Variants in KLRF1 observed in about 807,000 individuals in gnomAD.
KLRF1 encodes killer cell lectin like receptor F1.
In KLRF1, 27 loss-of-function variants were observed where a neutral mutation model predicts 30.7. The ratio of observed to expected loss-of-function variants is 0.88; its 90% CI spans 0.65 to 1.21. KLRF1 has a LOEUF of 1.21. Ranked by LOEUF, KLRF1 falls within the 50% of genes most tolerant of loss-of-function variation. The pLI, the probability that KLRF1 is intolerant of heterozygous loss-of-function variation, is 0.00. For missense variants in KLRF1, 246 were observed against 259.3 expected, an observed-to-expected ratio of 0.95 and a Z score of 0.35; for synonymous variants, 92 against 89.3, an observed-to-expected ratio of 1.03 and a Z score of -0.17.
the KLRF1 span, among the ~76,000 whole-genome samples, chr12:9,801,533 C>T: frequency 3.2e-4 from 49 of 151,940 alleles, no homozygotes; most frequent in East Asian, 3.9e-3. Flanking sequence ...TTTTAATAAT[C>T]GCCATTCTGA....
rs748787573 is a variant in KLRF1, at chr12:9,841,911, G to GA, written c.438dup (p.Ser147IlefsTer8). The GA allele has an allele frequency of 1.2e-6, 2 of 1,612,346 alleles. No individual in the cohort carries two copies. The highest frequency in any genetic ancestry group is 1.7e-6 in the Non-Finnish European group (2 of 1,178,892). The stretch of plus-strand genomic sequence containing the variant: ...GACAGTTATGTGTATTGTTTGGAAA[G>GA]AAAATCTCATCTACTAATCATACAT... On this transcript the variant is annotated frameshift_variant, in exon 4 of 6. Coordinates refer to ENST00000617889, the MANE Select transcript of KLRF1 (RefSeq NM_016523.3). LOFTEE classifies it high-confidence loss of function.
chr12:9,828,354 T>C (rs951071244), intron 1 of KLRF1, among the ~76,000 whole-genome samples: 2 of 152,170 alleles, frequency 1.3e-5, no homozygotes, highest in Non-Finnish European at 2.9e-5. Flanking sequence ...GTGTTGGGAT[T>C]ATAGGCATGA....
chr12:9,827,478 C>T, upstream of KLRF1: 1 of 816,054 alleles, frequency 1.2e-6, no homozygotes, highest in Non-Finnish European at 1.9e-6. Context: ...TTATTCTTTC[C>T]TCATTTCATG....
chr12:9,823,117 C>G (rs1249718514), upstream of KLRF1, among the ~76,000 whole-genome samples: 1 of 151,772 alleles, frequency 6.6e-6, no homozygotes, highest in African/African-American at 2.4e-5. Flanking sequence ...TAGACCTTTA[C>G]AGTACTCCGA....
At chr12:9,834,849 T>C (rs2539937) in intron 3 of KLRF1, among the ~76,000 whole-genome samples, 2,158 of 152,162 alleles carry the variant, frequency 0.014, 44 homozygotes, top group African/African-American at 0.049. Context: ...CATTTAAGAA[T>C]ATACAGAGTC....
intron 1 of KLRF1, among the ~76,000 whole-genome samples, chr12:9,831,398 A>G (rs781613220): frequency 6.6e-6 from 1 of 152,248 alleles, no homozygotes; most frequent in Non-Finnish European, 1.5e-5. Flanking sequence ...GACAGCGTCA[A>G]ATGTAGTTTC....
At chr12:9,832,037 T>A (rs908466229) in intron 1 of KLRF1, among the ~76,000 whole-genome samples, 4 of 152,202 alleles carry the variant, frequency 2.6e-5, no homozygotes, top group African/African-American at 9.6e-5. Flanking sequence ...AATTATTCAG[T>A]GCATAGAGTA....
chr12:9,842,359 A>G lies in KLRF1; in HGVS notation c.513A>G (p.Val171=), dbSNP rs774462413. The change falls in exon 5 of 6, where the codon GTA becomes GTG. Residue 171 remains valine, a synonymous_variant. Transcript: ENST00000617889. ...IQKNLRQLNY[V]WIGLNFTSLK... is the part of the protein sequence containing the mutation. ...AAAACCTAAGACAATTAAACTACGT[A>G]TGGATTGGGCTTAACTTTACCTCCT... 3.1e-6 allele frequency: 5 copies of G among 1,611,962 alleles called. No homozygotes were observed. Among genetic ancestry groups the G allele is most frequent in the Non-Finnish European group, 4.2e-6 (5 of 1,178,564 alleles).
At chr12:9,831,781 G>A (rs1482723711) in intron 1 of KLRF1, among the ~76,000 whole-genome samples, 2 of 152,058 alleles carry the variant, frequency 1.3e-5, no homozygotes, top group African/African-American at 4.8e-5. Context: ...TAAAAGTTTA[G>A]CATTTAATAA....
Position 9,833,445 on chromosome 12 carries a change from C to A in KLRF1, c.327C>A (p.Asp109Glu), listed in dbSNP as rs1299485685. The A allele has an allele frequency of 6.2e-7, 1 of 1,604,384 alleles. No homozygotes were observed. The highest frequency in any genetic ancestry group is 1.1e-5 in the South Asian group (1 of 89,316). The change falls in exon 3 of 6, where the codon GAC becomes GAA. Residue 109 changes from aspartate to glutamate, a missense_variant. Coordinates refer to ENST00000617889, the MANE Select transcript of KLRF1 (RefSeq NM_016523.3). ...ACCTTTGTGCTTCGAGATCTGCAGA[C>A]CAGACAGGTATGTCTCAAGGCTTTG... Reference protein sequence around the residue: ...NKDLCASRSADQTVLCQSEWL... With the variant: ...NKDLCASRSAEQTVLCQSEWL...
the KLRF1 span, among the ~76,000 whole-genome samples, chr12:9,812,267 A>G: frequency 1.3e-5 from 2 of 149,242 alleles, no homozygotes; most frequent in African/African-American, 2.5e-5. Context: ...CGGGAGGCTG[A>G]GGCAGGAGAA....
the KLRF1 span, among the ~76,000 whole-genome samples, chr12:9,803,689 A>G: frequency 6.6e-6 from 1 of 151,992 alleles, no homozygotes; most frequent in Non-Finnish European, 1.5e-5. Flanking sequence ...CATCACTGTT[A>G]TAAAGAAGAT....
chr12:9,820,285 T>C, the KLRF1 span, among the ~76,000 whole-genome samples: 1 of 152,198 alleles, frequency 6.6e-6, no homozygotes, highest in African/African-American at 2.4e-5. Flanking sequence ...AACTAGGGAC[T>C]GGAGTGGACT....
chr12:9,835,449 G>A (rs1867555220), intron 3 of KLRF1, among the ~76,000 whole-genome samples: 1 of 152,014 alleles, frequency 6.6e-6, no homozygotes. Flanking sequence ...GAGTGTCTAT[G>A]AGCTACCTTT....
chr12:9,802,238 A>G, the KLRF1 span, among the ~76,000 whole-genome samples: 1 of 152,126 alleles, frequency 6.6e-6, no homozygotes, highest in Non-Finnish European at 1.5e-5. Context: ...GACAAAAATC[A>G]TATGATTATC....
the KLRF1 span, among the ~76,000 whole-genome samples, chr12:9,814,653 G>T: frequency 2.0e-5 from 3 of 152,192 alleles, no homozygotes; most frequent in African/African-American, 7.2e-5. Flanking sequence ...GGTTGGACCC[G>T]CAAAGCCTGG....
the KLRF1 span, among the ~76,000 whole-genome samples, chr12:9,806,845 T>C: frequency 4.6e-5 from 7 of 152,040 alleles, no homozygotes; most frequent in Non-Finnish European, 1.0e-4. Flanking sequence ...TATGCCTGGC[T>C]AACTTTTAAA....
chr12:9,816,320 G>C, the KLRF1 span, among the ~76,000 whole-genome samples: 1 of 152,212 alleles, frequency 6.6e-6, no homozygotes, highest in African/African-American at 2.4e-5. Flanking sequence ...AGGTGTACTA[G>C]TACAAGGCTA....
upstream of KLRF1, among the ~76,000 whole-genome samples, chr12:9,824,250 C>T (rs1867256802): frequency 6.6e-6 from 1 of 152,080 alleles, no homozygotes; most frequent in East Asian, 1.9e-4. Flanking sequence ...GAATCCAGCA[C>T]CACTCAAAGA....
Sources: allele counts gnomAD v4.1 joint callset (sites outside exome capture counted in the v4.1 genomes callset), GRCh38; gene constraint gnomAD v4.1.1; transcripts MANE v1.5; gene names NCBI Gene and HGNC (gene_info 2026-07-23, HGNC 2026-07-21).